Variants in CLMN observed in about 807,000 individuals in gnomAD.
CLMN encodes the protein calmin (calponin-like, transmembrane).
In CLMN, 57 loss-of-function variants were observed where a neutral mutation model predicts 92.7. The observed-to-expected ratio is 0.61, with a 90% confidence interval of 0.50 to 0.77. The LOEUF is 0.77. Ranked by LOEUF, CLMN falls within the 30% of genes least tolerant of loss-of-function variation. The pLI is 0.00. For missense variants in CLMN, 1,158 were observed against 1,237.5 expected (o/e 0.94, Z 0.96); for synonymous variants, 466 against 470.6 (o/e 0.99, Z 0.13).
chr14:95,304,854 G>T (rs529323245), intron 1 of CLMN, among the ~76,000 whole-genome samples: 2 of 152,154 alleles, frequency 1.3e-5, no homozygotes, highest in East Asian at 3.9e-4. Flanking sequence ...CTTCCATGGG[G>T]AGCCCAAGCA....
chr14:95,210,671 G>A lies in CLMN; in HGVS notation c.802+15C>T. The A allele has an allele frequency of 1.9e-6, 3 of 1,597,028 alleles. No individual in the cohort carries two copies. Among genetic ancestry groups the A allele is most frequent in the Non-Finnish European group, 2.6e-6 (3 of 1,175,036 alleles). On this transcript the variant is annotated intron_variant, in intron 7 of 12. Transcript: ENST00000298912. ...AAAAAAAAATTATTAGAAAGAAAGA[G>A]AGAACCACTGCTACCTTCTGGCTCC...
At chr14:95,249,693 G>T (rs1898708680) in intron 1 of CLMN, among the ~76,000 whole-genome samples, 1 of 152,036 alleles carries the variant, frequency 6.6e-6, no homozygotes, top group Non-Finnish European at 1.5e-5. Flanking sequence ...CCGGATTCAA[G>T]CAATTCTCCT....
At chr14:95,289,767 T>C (rs1900491344) in intron 1 of CLMN, among the ~76,000 whole-genome samples, 1 of 152,134 alleles carries the variant, frequency 6.6e-6, no homozygotes, top group Non-Finnish European at 1.5e-5. Flanking sequence ...TTCCCTTTTA[T>C]GCCCAATCCC....
At chr14:95,241,909 AG>A (rs1479210884) in intron 1 of CLMN, among the ~76,000 whole-genome samples, 4 of 152,166 alleles carry the variant, frequency 2.6e-5, no homozygotes, top group Non-Finnish European at 4.4e-5. Context: ...AACCTTTTCA[AG>A]GAAGTCTGGT....
At chr14:95,271,637 C>T (rs977966746) in intron 1 of CLMN, among the ~76,000 whole-genome samples, 1 of 152,154 alleles carries the variant, frequency 6.6e-6, no homozygotes, top group Non-Finnish European at 1.5e-5. Flanking sequence ...GGGTATAAGG[C>T]CTGTCTTTTT....
intron 1 of CLMN, among the ~76,000 whole-genome samples, chr14:95,305,388 G>A (rs541743741): frequency 1.2e-4 from 18 of 152,322 alleles, no homozygotes; most frequent in Middle Eastern, 6.8e-3. Context: ...TCCTCAGCAC[G>A]TATGAGAAGA....
rs114951564 is a variant in CLMN, at chr14:95,308,009, C to T, written c.82+11702G>A. 1.6e-3 allele frequency among the ~76,000 whole-genome samples: 243 copies of T among 152,310 alleles called. 2 individuals carry two copies. Among genetic ancestry groups the T allele is most frequent in the African/African-American group, 5.5e-3 (230 of 41,554 alleles). On this transcript the variant is annotated intron_variant, in intron 1 of 12. Coordinates refer to ENST00000298912, the MANE Select transcript of CLMN (RefSeq NM_024734.4). Reference sequence around the variant, plus strand: ...AAATGACATAATGGGGATGGCTCCGCTTTATCATCTGCCATCACCATAACA... The same window carrying T: ...AAATGACATAATGGGGATGGCTCCGTTTTATCATCTGCCATCACCATAACA...
Position 95,317,179 on chromosome 14 carries a change from C to T in CLMN, c.82+2532G>A, listed in dbSNP as rs528857711. Reference sequence around the variant, plus strand: ...TTATGGCAGATGCTCTAACTAAGCTCGGCGTGGAGCACCTTCTGGACTCGG... The same window carrying T: ...TTATGGCAGATGCTCTAACTAAGCTTGGCGTGGAGCACCTTCTGGACTCGG... On this transcript the variant is annotated intron_variant, in intron 1 of 12. Transcript: ENST00000298912. Among the ~76,000 whole-genome samples the T allele has an allele frequency of 1.4e-4, 21 of 152,292 alleles. No homozygotes were observed. In the East Asian group the frequency reaches 2.3e-3, roughly 17 times the overall value.
At chr14:95,234,500 T>C (rs1225180954) in intron 1 of CLMN, among the ~76,000 whole-genome samples, 1 of 152,236 alleles carries the variant, frequency 6.6e-6, no homozygotes, top group Non-Finnish European at 1.5e-5. Flanking sequence ...AAACCATTTC[T>C]CTGGAAGGGC....
At chr14:95,272,828 G>A (rs1326490615) in intron 1 of CLMN, among the ~76,000 whole-genome samples, 1 of 152,134 alleles carries the variant, frequency 6.6e-6, no homozygotes, top group Non-Finnish European at 1.5e-5. Flanking sequence ...GAAAACGTTG[G>A]GGCCAAGATA....
intron 1 of CLMN, among the ~76,000 whole-genome samples, chr14:95,251,747 T>C (rs1324977137): frequency 6.6e-6 from 1 of 152,234 alleles, no homozygotes; most frequent in East Asian, 1.9e-4. Context: ...TGTGGGGCCT[T>C]TGCTGGTGAA....
intron 1 of CLMN, among the ~76,000 whole-genome samples, chr14:95,241,570 G>A (rs1170886317): frequency 6.6e-6 from 1 of 152,178 alleles, no homozygotes; most frequent in Non-Finnish European, 1.5e-5. Context: ...GAGCAGGAGA[G>A]GTAAAGACTG....
Position 95,184,558 on chromosome 14 carries a change from G to C in CLMN, c.*7006C>G, listed in dbSNP as rs189356669. ...CAGCCCTGGCTGGGAGGAACTGCTT[G>C]CTTGATGTGTTCTCATCAAGGTTCT... On this transcript the variant is annotated 3_prime_UTR_variant, in exon 13 of 13. Transcript: ENST00000298912. 6.6e-6 allele frequency: 1 copy of C among 152,330 alleles called. No homozygotes were observed. The highest frequency in any genetic ancestry group is 6.5e-5 in the Admixed American group (1 of 15,296). 9.4% of individuals were successfully genotyped at this position (152,330 alleles called of 1,614,324 possible). A position where few individuals can be genotyped will look rare whatever the true frequency, so the allele number is the denominator to read the frequency against.
chr14:95,273,091 C>T (rs1034317537), intron 1 of CLMN, among the ~76,000 whole-genome samples: 5 of 152,200 alleles, frequency 3.3e-5, no homozygotes, highest in African/African-American at 1.2e-4. Context: ...TTAGCATGCT[C>T]TAAAGGGCTG....
At chr14:95,299,929 A>T (rs1419947067) in intron 1 of CLMN, among the ~76,000 whole-genome samples, 2 of 152,244 alleles carry the variant, frequency 1.3e-5, no homozygotes, top group Non-Finnish European at 2.9e-5. Context: ...CCCTGAAAGA[A>T]ACAGAATGGC....
At chr14:95,198,301 C>G (rs917599798) in intron 9 of CLMN, among the ~76,000 whole-genome samples, 2 of 151,834 alleles carry the variant, frequency 1.3e-5, no homozygotes, top group Non-Finnish European at 2.9e-5. Flanking sequence ...CCACCCACTT[C>G]AGCCTCCCAA....
intron 1 of CLMN, among the ~76,000 whole-genome samples, chr14:95,254,777 A>G (rs1249983480): frequency 1.3e-5 from 2 of 152,180 alleles, no homozygotes. Flanking sequence ...GGCTCACTGC[A>G]GCCTCAACTT....
intron 1 of CLMN, among the ~76,000 whole-genome samples, chr14:95,316,455 GAC>G (rs1901775347): frequency 6.6e-6 from 1 of 152,226 alleles, no homozygotes; most frequent in South Asian, 2.1e-4. Context: ...TCAAGTATCA[GAC>G]ACAGGAAGGT....
chr14:95,277,637 C>CT (rs1255235918), intron 1 of CLMN, among the ~76,000 whole-genome samples: 3 of 152,076 alleles, frequency 2.0e-5, no homozygotes, highest in African/African-American at 4.8e-5. Flanking sequence ...CTTTCTTTCT[C>CT]TTTTTTTGGA....
Sources: gnomAD v4.1 joint callset for allele counts (sites outside exome capture counted in the v4.1 genomes callset) on GRCh38, gnomAD v4.1.1 for gene constraint, MANE v1.5 for transcripts, NCBI Gene and HGNC (gene_info 2026-07-23, HGNC 2026-07-21) for gene names.